The following GALNT18 variants were observed in gnomAD, a reference collection of about 807,000 sequenced individuals.
GALNT18 encodes polypeptide N-acetylgalactosaminyltransferase 18.
In GALNT18, 44 loss-of-function variants were observed where a neutral mutation model predicts 69.5. The ratio of observed to expected loss-of-function variants is 0.63; its 90% CI spans 0.50 to 0.81. The LOEUF (loss-of-function observed/expected upper bound fraction) is 0.81. GALNT18 is among the 40% of genes least tolerant of loss of function. GALNT18 has a pLI of 0.00. For synonymous variants in GALNT18, 364 were observed against 318.2 expected (o/e 1.14, Z -1.53); for missense variants, 715 against 810.0 (o/e 0.88, Z 1.42).
At chr11:11,395,217 G>C (rs1854299503) in intron 3 of GALNT18, among the ~76,000 whole-genome samples, 1 of 152,206 alleles carries the variant, frequency 6.6e-6, no homozygotes, top group Non-Finnish European at 1.5e-5. Context: ...ATGCCTCTAT[G>C]ACAAGTTTAC....
chr11:11,570,072 C>T (rs1282213877), intron 1 of GALNT18: 1 of 152,240 alleles, frequency 6.6e-6, no homozygotes, highest in Non-Finnish European at 1.5e-5. Context: ...CTCAGCCAGG[C>T]TGGGAGTGTC....
rs1435583662 is a variant in GALNT18 at position 11,382,116 on chromosome 11, G to C, written c.596-2852C>G. ...TCTGTTAACACTGAGCTAGAGTAAAGGCTTCTGGTGGACCAGATAGTAGAA... is the reference window on the plus strand; with the variant it reads ...TCTGTTAACACTGAGCTAGAGTAAACGCTTCTGGTGGACCAGATAGTAGAA... On this transcript the variant is annotated intron_variant, in intron 3 of 10. Transcript: ENST00000227756. This position sits in a 1 kb window ranked among gnomAD's most constrained non-coding sequence, Gnocchi z 4.3. Among the ~76,000 whole-genome samples, 1 of 152,166 alleles carries C rather than the reference G, an allele frequency of 6.6e-6. No individual in the cohort carries two copies. Among genetic ancestry groups the C allele is most frequent in the Admixed American group, 6.5e-5 (1 of 15,282 alleles).
intron 7 of GALNT18, among the ~76,000 whole-genome samples, chr11:11,335,010 C>T (rs1013969463): frequency 6.6e-6 from 1 of 152,182 alleles, no homozygotes; most frequent in Non-Finnish European, 1.5e-5. Flanking sequence ...AAACTGTGTC[C>T]CAGGACCCAT....
At chr11:11,307,866 T>C (rs1321433385) in intron 9 of GALNT18, among the ~76,000 whole-genome samples, 1 of 152,164 alleles carries the variant, frequency 6.6e-6, no homozygotes. Flanking sequence ...GAATGTAGCA[T>C]GAAATACTGG....
intron 1 of GALNT18, among the ~76,000 whole-genome samples, chr11:11,529,977 G>C (rs1454766208): frequency 6.6e-6 from 1 of 152,174 alleles, no homozygotes; most frequent in East Asian, 1.9e-4. Context: ...AAGGGTGCTT[G>C]AGCAAGGCAG....
Position 11,606,813 on chromosome 11 carries a change from A to G in GALNT18, c.235+14546T>C, listed in dbSNP as rs1020891840. 7.2e-5 allele frequency among the ~76,000 whole-genome samples: 11 copies of G among 152,242 alleles called. No individual in the cohort carries two copies. The highest frequency in any genetic ancestry group is 2.6e-4 in the African/African-American group (11 of 41,536). On this transcript the variant is annotated intron_variant, in intron 1 of 10. Coordinates refer to ENST00000227756, the MANE Select transcript of GALNT18 (RefSeq NM_198516.3). The surrounding 1 kb of genome is among the most constrained non-coding windows in gnomAD (Gnocchi z 5.4). ...CTAGACTTCAAATCAGGATCCCTAG[A>G]CCCTATCCAGGGCCTCCAGGACCCA...
chr11:11,446,003 G>T (rs1333729790), intron 2 of GALNT18, among the ~76,000 whole-genome samples: 1 of 152,112 alleles, frequency 6.6e-6, no homozygotes, highest in African/African-American at 2.4e-5. Context: ...AAAGATCAAG[G>T]GCTCCCACAT....
intron 1 of GALNT18, among the ~76,000 whole-genome samples, chr11:11,510,508 T>C (rs1857145793): frequency 6.6e-6 from 1 of 152,088 alleles, no homozygotes. Flanking sequence ...ATGCAGAAAG[T>C]CCCTTAGAAC....
At chr11:11,420,973 G>C (rs190983286) in intron 3 of GALNT18, among the ~76,000 whole-genome samples, 38 of 152,036 alleles carry the variant, frequency 2.5e-4, no homozygotes, top group Admixed American at 2.4e-3. Flanking sequence ...TGGTCACCTT[G>C]GCTAGTCCGT....
chr11:11,524,167 C>G (rs1392281178), intron 1 of GALNT18, among the ~76,000 whole-genome samples: 1 of 152,060 alleles, frequency 6.6e-6, no homozygotes, highest in Non-Finnish European at 1.5e-5. Flanking sequence ...CTCTTCCTAC[C>G]AAGACTCAAA....
intron 9 of GALNT18, among the ~76,000 whole-genome samples, chr11:11,307,751 C>G (rs1017450441): frequency 7.9e-5 from 12 of 152,312 alleles, no homozygotes; most frequent in African/African-American, 2.9e-4. Context: ...TCCTTGACCC[C>G]CCCAAGGTCA....
intron 3 of GALNT18, among the ~76,000 whole-genome samples, chr11:11,395,845 G>GC (rs201316481): frequency 1.3e-5 from 2 of 152,168 alleles, no homozygotes; most frequent in Non-Finnish European, 2.9e-5. Context: ...GGGGAAACAG[G>GC]AGGGGAAAGC....
At chr11:11,479,026 GGGCTCTGGAAAAACTGTCCATGCCCTT>G (rs1231476205) in intron 1 of GALNT18, among the ~76,000 whole-genome samples, 1 of 152,212 alleles carries the variant, frequency 6.6e-6, no homozygotes, top group Non-Finnish European at 1.5e-5. Context: ...CCTGCGTCTT[GGGCTCTGGAAAAACTGTCCATGCCCTT>G]GGCTCTCTAG....
chr11:11,560,048 G>GATGGGATAGGATGGGATGGAATAGA (rs1858441168), intron 1 of GALNT18, among the ~76,000 whole-genome samples: 2 of 145,830 alleles, frequency 1.4e-5, no homozygotes, highest in Admixed American at 1.4e-4. Context: ...GATGGGATGG[G>GATGGGATAGGATGGGATGGAATAGA]ATGGGATAGG....
At chr11:11,487,540 T>G (rs1365054581) in intron 1 of GALNT18, among the ~76,000 whole-genome samples, 1 of 152,244 alleles carries the variant, frequency 6.6e-6, no homozygotes, top group Non-Finnish European at 1.5e-5. Context: ...CTGAAAATAC[T>G]CATTCATCTG....
chr11:11,411,645 G>A (rs920926282), intron 3 of GALNT18, among the ~76,000 whole-genome samples: 4 of 152,186 alleles, frequency 2.6e-5, no homozygotes, highest in African/African-American at 9.7e-5. Context: ...CATTATCTTG[G>A]CATGGGACAA....
At chr11:11,317,331 C>A (rs1301939264) in intron 9 of GALNT18, among the ~76,000 whole-genome samples, 2 of 152,198 alleles carry the variant, frequency 1.3e-5, no homozygotes, top group African/African-American at 4.8e-5. Flanking sequence ...CTTTGTCCAG[C>A]CCAAGCTGTC....
chr11:11,376,705 G>A (rs1335164824), intron 5 of GALNT18, among the ~76,000 whole-genome samples: 1 of 152,140 alleles, frequency 6.6e-6, no homozygotes, highest in Non-Finnish European at 1.5e-5. Context: ...CTGTGTTCAT[G>A]AACTTTGCAT....
At chr11:11,512,622 C>A (rs1857187131) in intron 1 of GALNT18, among the ~76,000 whole-genome samples, 1 of 152,198 alleles carries the variant, frequency 6.6e-6, no homozygotes, top group African/African-American at 2.4e-5. Context: ...ATAGCTCAGC[C>A]CAGCTCAGAC....
Sources: allele counts gnomAD v4.1 joint callset (sites outside exome capture counted in the v4.1 genomes callset), GRCh38; gene constraint gnomAD v4.1.1; non-coding constraint Gnocchi (gnomAD v3.1); transcripts MANE v1.5; gene names NCBI Gene and HGNC (gene_info 2026-07-23, HGNC 2026-07-21).